Variants in LTN1 observed in about 807,000 individuals in gnomAD.
LTN1 encodes the protein listerin E3 ubiquitin protein ligase 1.
In LTN1, 88 loss-of-function variants were observed where a neutral mutation model predicts 201.2. That is an observed-to-expected ratio of 0.44 (90% CI 0.37 to 0.52). LTN1 has a LOEUF of 0.52. Ranked by LOEUF, LTN1 falls within the 20% of genes least tolerant of loss-of-function variation. LTN1 has a pLI of 0.00. For synonymous variants in LTN1, 645 were observed against 713.5 expected, an observed-to-expected ratio of 0.90 and a Z score of 1.53; for missense variants, 1,752 against 2,038.7, an observed-to-expected ratio of 0.86 and a Z score of 2.71.
intron 16 of LTN1, among the ~76,000 whole-genome samples, chr21:28,955,482 A>G (rs1374028802): frequency 6.6e-6 from 1 of 152,158 alleles, no homozygotes; most frequent in Non-Finnish European, 1.5e-5. Context: ...TTAGAAAACC[A>G]GTATATCAAA....
rs1393105378 is a variant in LTN1 at position 28,941,357 on chromosome 21, G to A, written c.4345C>T (p.Leu1449=). The A allele has an allele frequency of 6.2e-7, 1 of 1,613,458 alleles. No homozygotes were observed. Among genetic ancestry groups the A allele is most frequent in the Non-Finnish European group, 8.5e-7 (1 of 1,179,814 alleles). Reference sequence around the variant, plus strand: ...GGAATACACCCCAAAACATTTTCTAGTAAGTCCTCTTGAATGCTAAGAAGA... The same window carrying A: ...GGAATACACCCCAAAACATTTTCTAATAAGTCCTCTTGAATGCTAAGAAGA... ...MSLLSIQEDL[L]ENVLGCIPVG... Residue 1449 remains leucine, a synonymous_variant, in exon 25 of 30, where the codon CTA becomes TTA. Transcript: ENST00000361371.
At chr21:28,959,770 T>C (rs1173296501) in intron 12 of LTN1, 73 bp from the exon 13 acceptor site, 20 of 1,261,294 alleles carry the variant, frequency 1.6e-5, no homozygotes, top group Non-Finnish European at 2.1e-5. Context: ...TTACTTTGGA[T>C]TAATAATTCT....
chr21:28,982,452 CTT>C (rs2084666679), intron 4 of LTN1, 84 bp from the exon 5 acceptor site: 3 of 1,027,636 alleles, frequency 2.9e-6, no homozygotes, highest in African/African-American at 3.2e-5. Flanking sequence ...ATAAAATCCA[CTT>C]TTTAAAAATC....
intron 25 of LTN1, among the ~76,000 whole-genome samples, chr21:28,938,683 GGATA>G (rs1448175176): frequency 6.6e-6 from 1 of 152,074 alleles, no homozygotes; most frequent in African/African-American, 2.4e-5. Context: ...GCCCATTAAT[GGATA>G]AACAGATAGA....
intron 4 of LTN1, among the ~76,000 whole-genome samples, chr21:28,982,697 C>G (rs555780211): frequency 6.6e-6 from 1 of 152,312 alleles, no homozygotes; most frequent in African/African-American, 2.4e-5. Context: ...TCCCCTCTTT[C>G]TGTAAGCCTG....
intron 14 of LTN1, 66 bp downstream of exon 14, chr21:28,958,320 G>T: frequency 6.9e-7 from 1 of 1,447,532 alleles, no homozygotes; most frequent in Non-Finnish European, 9.4e-7. Context: ...ACTGATCATG[G>T]AATCTAATTT....
At chr21:28,953,068 T>A in intron 17 of LTN1, 149 bp downstream of exon 17, 1 of 475,172 alleles carries the variant, frequency 2.1e-6, no homozygotes, top group East Asian at 3.5e-5. Context: ...TATTTAGAAT[T>A]CATAAACTAT....
In LTN1 at chr21:28,960,690, T is replaced by C; in HGVS notation, c.2180A>G (p.Asp727Gly). ...CCAAGGAGTTACTAAAGCATGTTTA[T>C]CTGAACTAGGACATGCCTAAAACCA... is the stretch of plus-strand genomic sequence containing the variant. ...KIIEKACPSS[D>G]KHALVTPWLK... The change falls in exon 12 of 30, where the codon GAT becomes GGT. Residue 727 changes from aspartate (D) to glycine (G), a missense_variant. This residue lies in a region of LTN1 where 1,211 missense variants were observed against 1,312.8 expected (regional missense o/e 0.92). Coordinates refer to ENST00000361371, the MANE Select transcript of LTN1 (RefSeq NM_015565.3). 1 of 1,613,298 alleles carries C rather than the reference T, an allele frequency of 6.2e-7. No homozygotes were observed. The highest frequency in any genetic ancestry group is 1.1e-5 in the South Asian group (1 of 91,008).
chr21:28,954,544 T>C (rs1009032149), intron 16 of LTN1, among the ~76,000 whole-genome samples: 8 of 152,034 alleles, frequency 5.3e-5, no homozygotes, highest in Non-Finnish European at 5.9e-5. Context: ...TCAAAACCAT[T>C]GGAATCAAAA....
At chr21:28,965,629 A>G (rs2084515115) in intron 11 of LTN1, among the ~76,000 whole-genome samples, 1 of 152,174 alleles carries the variant, frequency 6.6e-6, no homozygotes, top group Non-Finnish European at 1.5e-5. Context: ...GAAACACTGG[A>G]TTTTCCAGAG....
chr21:28,963,447 C>T (rs1053181440), intron 11 of LTN1, among the ~76,000 whole-genome samples: 5 of 152,018 alleles, frequency 3.3e-5, no homozygotes, highest in Non-Finnish European at 5.9e-5. Flanking sequence ...ACGTTTATAG[C>T]GTGGTTTATT....
intron 5 of LTN1, among the ~76,000 whole-genome samples, chr21:28,982,110 G>C (rs143731935): frequency 6.2e-4 from 95 of 152,104 alleles, no homozygotes; most frequent in African/African-American, 2.0e-3. Flanking sequence ...CCAGCTACTC[G>C]AGAGGCTTAG....
rs2084564384 is a variant in LTN1, at chr21:28,970,465, C to T, written c.1175+87G>A. The T allele has an allele frequency of 7.8e-6, 7 of 900,556 alleles. No individual in the cohort carries two copies. The South Asian group carries it at 9.4e-5, about 12-fold the overall frequency. The allele number at this position is 900,556 out of a possible 1,614,324, so 55.8% of individuals were successfully genotyped here. On this transcript the variant is annotated intron_variant, in intron 8 of 29. Transcript: ENST00000361371. Reference sequence around the variant, plus strand: ...AAGTATTTAATGAATAGTAAAACAACTTGGAGAAATTTAAGTAAGAAAGAA... The same window carrying T: ...AAGTATTTAATGAATAGTAAAACAATTTGGAGAAATTTAAGTAAGAAAGAA...
At chr21:28,979,698 G>A (rs948124413) in intron 6 of LTN1, among the ~76,000 whole-genome samples, 9 of 152,102 alleles carry the variant, frequency 5.9e-5, no homozygotes, top group East Asian at 1.9e-4. Context: ...GGCCGGGCAC[G>A]GTGGCTCACA....
rs975290628 is a variant in LTN1, at chr21:28,967,255, T to A, written c.1312-76A>T. 4.9e-6 allele frequency: 5 copies of A among 1,026,650 alleles called. No individual in the cohort carries two copies. In the African/African-American group the frequency reaches 8.1e-5, roughly 17 times the overall value. 63.6% of individuals were successfully genotyped at this position (1,026,650 alleles called of 1,614,324 possible). A position where few individuals can be genotyped will look rare whatever the true frequency, so the allele number is the denominator to read the frequency against. On this transcript the variant is annotated intron_variant, in intron 9 of 29. Coordinates refer to ENST00000361371, the MANE Select transcript of LTN1 (RefSeq NM_015565.3). ...CATCTCCTGGCACACAACTCTAAAA[T>A]CCTTGGAATCTCCAAAGTGATATCA...
At chr21:28,960,946 CCTT>C (rs869202983) in intron 11 of LTN1, 2 of 334,776 alleles carry the variant, frequency 6.0e-6, no homozygotes, top group East Asian at 1.1e-4. Context: ...CCCACCCCCC[CCTT>C]TTTTTTTTAA....
intron 11 of LTN1, 117 bp from the exon 12 acceptor site, chr21:28,960,823 C>T (rs1333505523): frequency 3.2e-6 from 2 of 633,186 alleles, no homozygotes; most frequent in African/African-American, 3.7e-5. Context: ...TTCTATCCCC[C>T]CTCCTCCTCC....
rs2146247868 is a variant in LTN1, at chr21:28,929,572, T to C, written c.*876A>G. ...AATTGAAAGTCTCCTACAACATTTT[T>C]AAATGTTTTTTTTTTCCACTGATCT... On this transcript the variant is annotated 3_prime_UTR_variant, in exon 30 of 30. Transcript: ENST00000361371. The C allele has an allele frequency of 6.6e-6, 1 of 152,088 alleles. No individual in the cohort carries two copies. Among genetic ancestry groups the C allele is most frequent in the African/African-American group, 2.4e-5 (1 of 41,394 alleles). 9.4% of individuals were successfully genotyped at this position (152,088 alleles called of 1,614,324 possible). A position where few individuals can be genotyped will look rare whatever the true frequency, so the allele number is the denominator to read the frequency against.
At chr21:28,978,317 C>A (rs994597625) in intron 6 of LTN1, among the ~76,000 whole-genome samples, 1 of 152,160 alleles carries the variant, frequency 6.6e-6, no homozygotes, top group African/African-American at 2.4e-5. Context: ...CTGGCATAAG[C>A]CACTGTGCCC....
Sources: gnomAD v4.1 joint callset for allele counts (sites outside exome capture counted in the v4.1 genomes callset) on GRCh38, gnomAD v4.1.1 for gene constraint, gnomAD v4.1.1 regional missense constraint, MANE v1.5 for transcripts, NCBI Gene and HGNC (gene_info 2026-07-23, HGNC 2026-07-21) for gene names.